OR3A2: variants seen among roughly 807,000 people sequenced by gnomAD.
OR3A2 encodes olfactory receptor 3A2.
For synonymous variants in OR3A2, 126 were observed against 159.3 expected, an observed-to-expected ratio of 0.79 and a Z score of 1.57; for missense variants, 318 against 392.8, an observed-to-expected ratio of 0.81 and a Z score of 1.61.
At chr17:3,310,095 CTT>C (rs2049028839) in intron 3 of OR3A2, 1 of 325,548 alleles carries the variant, frequency 3.1e-6, no homozygotes, top group South Asian at 2.7e-5. Flanking sequence ...CAATGCCACT[CTT>C]GTTACCCATT....
At chr17:3,298,507 G>A (rs1379923946) in intron 3 of OR3A2, 1 of 152,242 alleles carries the variant, frequency 6.6e-6, no homozygotes, top group African/African-American at 2.4e-5. Context: ...TCAGTAAAAA[G>A]AGAAAGCAGG....
At chr17:3,277,527 C>T (rs1428133923) in exon 2 of OR3A2, 1 of 160,314 alleles carries the variant, frequency 6.2e-6, no homozygotes. Context: ...TTGCCAGGCA[C>T]ACAGAACTAC....
chr17:3,281,722 A>G (rs1206174757), intron 1 of OR3A2, among the ~76,000 whole-genome samples: 1 of 152,234 alleles, frequency 6.6e-6, no homozygotes, highest in East Asian at 1.9e-4. Context: ...ATAAAATGAC[A>G]CACAGAAAAG....
At chr17:3,315,296 T>C (rs2150632883) in intron 3 of OR3A2, among the ~76,000 whole-genome samples, 1 of 152,338 alleles carries the variant, frequency 6.6e-6, no homozygotes, top group South Asian at 2.1e-4. Flanking sequence ...AAAGTTACAT[T>C]TCCACCAACA....
chr17:3,357,792 ATCC>A (rs2049475709), intron 2 of OR3A2, among the ~76,000 whole-genome samples: 1 of 151,638 alleles, frequency 6.6e-6, no homozygotes, highest in Admixed American at 6.6e-5. Flanking sequence ...GCCTGAAGCA[ATCC>A]TCCTGCCTTG....
chr17:3,365,771 G>C (rs145938100), intron 2 of OR3A2, among the ~76,000 whole-genome samples: 3 of 152,142 alleles, frequency 2.0e-5, no homozygotes, highest in African/African-American at 7.2e-5. Context: ...TAACTGCAGA[G>C]GAAGCTGAAA....
exon 2 of OR3A2, chr17:3,278,895 T>C (rs747255472): frequency 2.0e-6 from 3 of 1,520,976 alleles, no homozygotes; most frequent in East Asian, 2.3e-5. Flanking sequence ...AGCGGTCCTA[T>C]TGGTCCCAGC....
At chr17:3,330,147 T>G (rs1334077857) in intron 3 of OR3A2, among the ~76,000 whole-genome samples, 3 of 149,934 alleles carry the variant, frequency 2.0e-5, no homozygotes, top group Non-Finnish European at 4.4e-5. Flanking sequence ...TGGTCAATTT[T>G]GGAATAGGTG....
chr17:3,292,347 A>G (rs1164937547), intron 3 of OR3A2: 7 of 1,614,014 alleles, frequency 4.3e-6, no homozygotes, highest in Non-Finnish European at 5.9e-6. Flanking sequence ...TGGAACAGTG[A>G]CGCTGATGCA....
intron 2 of OR3A2, among the ~76,000 whole-genome samples, chr17:3,358,876 G>A (rs746984580): frequency 6.6e-6 from 1 of 151,600 alleles, no homozygotes; most frequent in African/African-American, 2.4e-5. Flanking sequence ...ACTGTCAGTG[G>A]AGTGTTGAAG....
chr17:3,278,964 C>T lies in OR3A2; in HGVS notation c.-6-41G>A, dbSNP rs1257064787. On this transcript the variant is annotated intron_variant, in intron 1 of 1. Coordinates refer to ENST00000642052, the Ensembl canonical transcript of OR3A2. ...CCAGCAGGGGAGGTATCAGTTCACT[C>T]AGTTCACTTATTCAACATTAATATT... 2.5e-6 allele frequency: 4 copies of T among 1,576,468 alleles called. No homozygotes were observed. In the East Asian group the frequency reaches 6.7e-5, roughly 27 times the overall value.
chr17:3,323,556 G>C (rs559046692), intron 3 of OR3A2, among the ~76,000 whole-genome samples: 2 of 152,030 alleles, frequency 1.3e-5, no homozygotes, highest in Non-Finnish European at 2.9e-5. Flanking sequence ...AGGCCTGGTG[G>C]TGACAAAATC....
chr17:3,356,222 T>G (rs2049464887), intron 2 of OR3A2, among the ~76,000 whole-genome samples: 1 of 151,542 alleles, frequency 6.6e-6, no homozygotes, highest in South Asian at 2.1e-4. Context: ...TAGTTATTAT[T>G]TTTTATTGGT....
intron 3 of OR3A2, among the ~76,000 whole-genome samples, chr17:3,294,300 G>C (rs964112885): frequency 6.6e-6 from 1 of 151,672 alleles, no homozygotes; most frequent in African/African-American, 2.4e-5. Flanking sequence ...AGAAAGAAAA[G>C]ATGTTAAAGA....
chr17:3,305,343 G>A (rs2048991347), intron 3 of OR3A2, among the ~76,000 whole-genome samples: 1 of 152,092 alleles, frequency 6.6e-6, no homozygotes, highest in South Asian at 2.1e-4. Flanking sequence ...TTGAAACAAA[G>A]ATATAGGCAA....
upstream of OR3A2, among the ~76,000 whole-genome samples, chr17:3,285,197 T>C (rs996217161): frequency 1.1e-4 from 17 of 152,112 alleles, no homozygotes; most frequent in Admixed American, 9.8e-4. Context: ...TGTGGGAAGA[T>C]GTAGGCGTGT....
intron 3 of OR3A2, among the ~76,000 whole-genome samples, chr17:3,317,285 G>A (rs1239730600): frequency 6.6e-6 from 1 of 152,186 alleles, no homozygotes; most frequent in African/African-American, 2.4e-5. Context: ...ACATCAGCCA[G>A]AAAATATTTA....
chr17:3,329,404 A>G (rs2049209151), intron 3 of OR3A2, among the ~76,000 whole-genome samples: 1 of 149,458 alleles, frequency 6.7e-6, no homozygotes. Context: ...TTATTGGTCT[A>G]TTCAGAGATT....
intron 3 of OR3A2, among the ~76,000 whole-genome samples, chr17:3,313,713 C>A (rs1032860481): frequency 6.6e-6 from 1 of 152,138 alleles, no homozygotes; most frequent in African/African-American, 2.4e-5. Flanking sequence ...GTGTAGCCTA[C>A]ACAGCATGAC....
Sources: allele counts gnomAD v4.1 joint callset (sites outside exome capture counted in the v4.1 genomes callset), GRCh38; gene constraint gnomAD v4.1.1; transcripts MANE v1.5; gene names NCBI Gene and HGNC (gene_info 2026-07-23, HGNC 2026-07-21).